Variants in CAMK4 observed in about 807,000 individuals in gnomAD.
The protein encoded by CAMK4 is calcium/calmodulin-dependent protein kinase type IV.
In CAMK4, 22 loss-of-function variants were observed where a neutral mutation model predicts 44.9. The ratio of observed to expected loss-of-function variants is 0.49; its 90% CI spans 0.35 to 0.70. The LOEUF is 0.70. CAMK4 is among the 30% of genes least tolerant of loss of function. The pLI, the probability that CAMK4 is intolerant of heterozygous loss-of-function variation, is 0.01. For synonymous variants in CAMK4, 218 were observed against 215.4 expected, an observed-to-expected ratio of 1.01 and a Z score of -0.11; for missense variants, 498 against 586.8, an observed-to-expected ratio of 0.85 and a Z score of 1.56.
chr5:111,359,643 A>G (rs1377980208), intron 2 of CAMK4, among the ~76,000 whole-genome samples: 2 of 152,110 alleles, frequency 1.3e-5, no homozygotes, highest in African/African-American at 4.8e-5. Context: ...CATCTTCATC[A>G]TGAATTCCTT....
At chr5:111,292,224 G>C (rs1747295224) in intron 1 of CAMK4, among the ~76,000 whole-genome samples, 1 of 152,198 alleles carries the variant, frequency 6.6e-6, no homozygotes, top group Non-Finnish European at 1.5e-5. Flanking sequence ...CATGGATAGT[G>C]ATAGTGTATC....
rs149875765 is a variant in CAMK4, at chr5:111,471,688, A to G, written c.626-1623A>G. On this transcript the variant is annotated intron_variant, in intron 7 of 10. Coordinates refer to ENST00000282356, the MANE Select transcript of CAMK4 (RefSeq NM_001744.6). Reference sequence around the variant, plus strand: ...TTTGGTACAAAAAATTGTGAAATTCATGCATAATTTTTTATAATATGCATT... The same window carrying G: ...TTTGGTACAAAAAATTGTGAAATTCGTGCATAATTTTTTATAATATGCATT... Among the ~76,000 whole-genome samples, 658 of 152,324 alleles carry G rather than the reference A, an allele frequency of 4.3e-3. 4 individuals carry two copies. Among genetic ancestry groups the G allele is most frequent in the Middle Eastern group, 0.02 (6 of 294 alleles).
chr5:111,238,032 A>G (rs1225001113), intron 1 of CAMK4, among the ~76,000 whole-genome samples: 2 of 152,302 alleles, frequency 1.3e-5, no homozygotes, highest in Non-Finnish European at 2.9e-5. Flanking sequence ...TCTTTTGACA[A>G]CCAGAGGCCA....
chr5:111,229,650 A>G (rs1056292619), intron 1 of CAMK4, among the ~76,000 whole-genome samples: 12 of 152,296 alleles, frequency 7.9e-5, no homozygotes, highest in African/African-American at 2.9e-4. Context: ...CCCATGGCCT[A>G]TCTGGGTAGG....
intron 1 of CAMK4, among the ~76,000 whole-genome samples, chr5:111,326,484 A>G (rs1047184338): frequency 1.3e-5 from 2 of 151,960 alleles, no homozygotes; most frequent in South Asian, 2.1e-4. Flanking sequence ...TCCAGAGCCC[A>G]GATATTTTCA....
chr5:111,407,110 T>A (rs1752462337), intron 5 of CAMK4, among the ~76,000 whole-genome samples: 1 of 151,874 alleles, frequency 6.6e-6, no homozygotes, highest in African/African-American at 2.4e-5. Context: ...TCCCAGCACT[T>A]TGGGAGGTCA....
At chr5:111,403,291 C>T (rs1752298213) in intron 5 of CAMK4, among the ~76,000 whole-genome samples, 1 of 152,168 alleles carries the variant, frequency 6.6e-6, no homozygotes, top group Non-Finnish European at 1.5e-5. Flanking sequence ...CTTGAATCCA[C>T]TTCTTGTCAA....
At chr5:111,412,517 C>A (rs1183934878) in intron 5 of CAMK4, among the ~76,000 whole-genome samples, 1 of 152,140 alleles carries the variant, frequency 6.6e-6, no homozygotes, top group East Asian at 1.9e-4. Context: ...GTCCTCAAAC[C>A]AGTATTTAAC....
intron 5 of CAMK4, among the ~76,000 whole-genome samples, chr5:111,425,836 A>G (rs995904205): frequency 7.2e-5 from 11 of 152,188 alleles, no homozygotes; most frequent in African/African-American, 2.7e-4. Context: ...CCTTAATACC[A>G]TATCACCTCA....
intron 1 of CAMK4, among the ~76,000 whole-genome samples, chr5:111,287,713 A>AT (rs1158692655): frequency 6.6e-6 from 1 of 152,224 alleles, no homozygotes; most frequent in East Asian, 1.9e-4. Context: ...GCATCTACTA[A>AT]TATGACTGTT....
chr5:111,468,441 A>G (rs1293755623), intron 7 of CAMK4, among the ~76,000 whole-genome samples: 2 of 152,246 alleles, frequency 1.3e-5, no homozygotes, highest in Non-Finnish European at 2.9e-5. Context: ...TATACCATTA[A>G]AAGATACATT....
At chr5:111,349,702 C>G (rs1467681925) in intron 2 of CAMK4, among the ~76,000 whole-genome samples, 1 of 151,728 alleles carries the variant, frequency 6.6e-6, no homozygotes, top group Non-Finnish European at 1.5e-5. Context: ...ATCTTTCTTC[C>G]TTAGGAGTAT....
In CAMK4 at chr5:111,224,559, G is replaced by T; in HGVS notation, c.76G>T (p.Ala26Ser). The change falls in exon 1 of 11, where the codon GCG becomes TCG. Residue 26 changes from alanine to serine, a missense_variant. Physicochemically the swap from Ala to Ser is moderately conservative, Grantham distance 99. Transcript: ENST00000282356. The surrounding 1 kb of genome is among the most constrained non-coding windows in gnomAD (Gnocchi z 5.7). ...SVTASAAPGT[A>S]SLVPDYWIDG... Reference sequence around the variant, plus strand: ...CACCGCCAGTGCGGCCCCGGGGACCGCGAGCCTCGTCCCGGATTACTGGAT... The same window carrying T: ...CACCGCCAGTGCGGCCCCGGGGACCTCGAGCCTCGTCCCGGATTACTGGAT... The T allele has an allele frequency of 6.2e-7, 1 of 1,611,752 alleles. No individual in the cohort carries two copies.
At chr5:111,463,571 G>A (rs960053514) in intron 7 of CAMK4, among the ~76,000 whole-genome samples, 3 of 152,122 alleles carry the variant, frequency 2.0e-5, no homozygotes, top group Admixed American at 6.5e-5. Context: ...TACAACTAAG[G>A]ACCCTCACAG....
chr5:111,269,336 C>G (rs1029544030), intron 1 of CAMK4, among the ~76,000 whole-genome samples: 9 of 152,172 alleles, frequency 5.9e-5, no homozygotes, highest in African/African-American at 1.9e-4. Flanking sequence ...ATACCTTGGT[C>G]TTTTCCAAAT....
At chr5:111,356,441 C>T (rs1283278559) in intron 2 of CAMK4, among the ~76,000 whole-genome samples, 2 of 152,228 alleles carry the variant, frequency 1.3e-5, no homozygotes, top group Admixed American at 1.3e-4. Context: ...AATTTTCTCC[C>T]ATTTTGTAGG....
intron 1 of CAMK4, among the ~76,000 whole-genome samples, chr5:111,280,909 T>C (rs1264874890): frequency 6.6e-6 from 1 of 152,228 alleles, no homozygotes; most frequent in Non-Finnish European, 1.5e-5. Context: ...GTTGCTATGA[T>C]ACCAACAGTG....
chr5:111,275,984 T>A (rs918064903), intron 1 of CAMK4, among the ~76,000 whole-genome samples: 1 of 152,172 alleles, frequency 6.6e-6, no homozygotes, highest in Admixed American at 6.5e-5. Context: ...AAATATATAG[T>A]CCCACCATCT....
chr5:111,280,660 G>C (rs1432133898), intron 1 of CAMK4, among the ~76,000 whole-genome samples: 1 of 152,204 alleles, frequency 6.6e-6, no homozygotes, highest in Non-Finnish European at 1.5e-5. Context: ...AAGGTTTGCT[G>C]AGACACGTGC....
Sources: allele counts gnomAD v4.1 joint callset (sites outside exome capture counted in the v4.1 genomes callset), GRCh38; gene constraint gnomAD v4.1.1; non-coding constraint Gnocchi (gnomAD v3.1); transcripts MANE v1.5; gene names NCBI Gene and HGNC (gene_info 2026-07-23, HGNC 2026-07-21).